PLD5: variants seen among roughly 807,000 people sequenced by gnomAD.
The protein encoded by PLD5 is phospholipase D family member 5.
In PLD5, 36 loss-of-function variants were observed where a neutral mutation model predicts 61.1. That is an observed-to-expected ratio of 0.59 (90% CI 0.45 to 0.78). The LOEUF (loss-of-function observed/expected upper bound fraction) is 0.78, where lower values mean the gene tolerates loss of function less well. Ranked by LOEUF, PLD5 falls within the 30% of genes least tolerant of loss-of-function variation. The pLI is 0.00. For missense variants in PLD5, 515 were observed against 644.4 expected, an observed-to-expected ratio of 0.80 and a Z score of 2.17; for synonymous variants, 243 against 242.8, an observed-to-expected ratio of 1.00 and a Z score of -0.01.
At chr1:242,349,871 C>T (rs1316009553) in intron 1 of PLD5, among the ~76,000 whole-genome samples, 1 of 152,170 alleles carries the variant, frequency 6.6e-6, no homozygotes, top group Non-Finnish European at 1.5e-5. Flanking sequence ...CAGAGTTTTG[C>T]CCTCATGAAT....
intron 1 of PLD5, among the ~76,000 whole-genome samples, chr1:242,472,936 TA>T (rs1388513230): frequency 6.6e-6 from 1 of 151,880 alleles, no homozygotes; most frequent in East Asian, 1.9e-4. Flanking sequence ...AAATTAGGAG[TA>T]AAAAGAGAAT....
At chr1:242,364,391 T>G (rs1661228639) in intron 1 of PLD5, among the ~76,000 whole-genome samples, 1 of 152,240 alleles carries the variant, frequency 6.6e-6, no homozygotes, top group African/African-American at 2.4e-5. Context: ...GGATCTATTC[T>G]AGGCTTTAAA....
intron 2 of PLD5, among the ~76,000 whole-genome samples, chr1:242,314,317 C>A (rs1157941450): frequency 2.6e-5 from 4 of 152,200 alleles, no homozygotes; most frequent in Non-Finnish European, 5.9e-5. Context: ...CAAGAATGCA[C>A]AAGTAGGTCT....
chr1:242,146,430 T>A (rs1216111648), intron 5 of PLD5, among the ~76,000 whole-genome samples: 1 of 152,176 alleles, frequency 6.6e-6, no homozygotes, highest in Non-Finnish European at 1.5e-5. Context: ...TTAGTACAAA[T>A]ACAGATAATG....
At chr1:242,190,587 T>A (rs890445257) in intron 5 of PLD5, among the ~76,000 whole-genome samples, 5 of 151,940 alleles carry the variant, frequency 3.3e-5, no homozygotes, top group African/African-American at 1.2e-4. Context: ...CAGTTATCCA[T>A]TTAAAAAATT....
At position 242,157,145 on chromosome 1, in the gene PLD5, C is replaced by T. The variant is rs565187971; in HGVS notation, c.736-32480G>A. Among the ~76,000 whole-genome samples, 15 of 152,150 alleles carry T rather than the reference C, an allele frequency of 9.9e-5. No homozygotes were observed. The South Asian group carries it at 2.5e-3, about 25-fold the overall frequency. On this transcript the variant is annotated intron_variant, in intron 5 of 9. Coordinates refer to ENST00000536534, the MANE Select transcript of PLD5 (RefSeq NM_001372062.1). ...TATCTTTACTTCCAATTGATCAATT[C>T]GGCTATTGATACTGTGTATGCTTCA...
At chr1:242,328,345 C>T in intron 2 of PLD5, among the ~76,000 whole-genome samples, 1 of 151,964 alleles carries the variant, frequency 6.6e-6, no homozygotes, top group South Asian at 2.1e-4. Flanking sequence ...TACGTGTGTT[C>T]TACATGTGTG....
At chr1:242,388,829 G>A (rs1266039312) in intron 1 of PLD5, among the ~76,000 whole-genome samples, 1 of 152,034 alleles carries the variant, frequency 6.6e-6, no homozygotes, top group Non-Finnish European at 1.5e-5. Context: ...GGTGGCGGGG[G>A]CCTGTAATCC....
chr1:242,240,432 C>A (rs1178464447), intron 4 of PLD5, among the ~76,000 whole-genome samples: 1 of 152,160 alleles, frequency 6.6e-6, no homozygotes, highest in Non-Finnish European at 1.5e-5. Context: ...ACAGTCTGGG[C>A]AGTTAATGAC....
At chr1:242,382,938 G>A (rs935186498) in intron 1 of PLD5, among the ~76,000 whole-genome samples, 10 of 151,446 alleles carry the variant, frequency 6.6e-5, no homozygotes, top group Admixed American at 5.2e-4. Context: ...ATTTGCAGGT[G>A]TAAAAATCAT....
At chr1:242,429,693 A>G (rs1207400827) in intron 1 of PLD5, among the ~76,000 whole-genome samples, 1 of 152,172 alleles carries the variant, frequency 6.6e-6, no homozygotes, top group Admixed American at 6.6e-5. Flanking sequence ...CATCTAAATC[A>G]TTGCTTCCTT....
chr1:242,342,094 CT>C (rs1297602421), intron 2 of PLD5, among the ~76,000 whole-genome samples: 1 of 152,142 alleles, frequency 6.6e-6, no homozygotes, highest in East Asian at 1.9e-4. Context: ...CTTAACGATA[CT>C]TTGCAGAAAT....
At chr1:242,374,796 G>A (rs184951793) in intron 1 of PLD5, among the ~76,000 whole-genome samples, 26 of 152,270 alleles carry the variant, frequency 1.7e-4, no homozygotes, top group African/African-American at 4.6e-4. Context: ...TCTACACACT[G>A]TTCATACTTT....
Position 242,394,310 on chromosome 1 carries a change from ATGTGTGTATATATGAGTATATATG to A in PLD5, c.190-46092_190-46069del, listed in dbSNP as rs1558525861. On this transcript the variant is annotated intron_variant, in intron 1 of 9. Coordinates refer to ENST00000536534, the MANE Select transcript of PLD5 (RefSeq NM_001372062.1). ...TATATGAGTATATATATGAGTATAT[ATGTGTGTATATATGAGTATATATG>A]TGTGTATATATGAGTATATATGTGT... Among the ~76,000 whole-genome samples the A allele has an allele frequency of 4.8e-5, 4 of 83,664 alleles. 1 individual carries two copies. Among genetic ancestry groups the A allele is most frequent in the Non-Finnish European group, 9.4e-5 (4 of 42,410 alleles). 54.9% of individuals were successfully genotyped at this position (83,664 alleles called of 152,430 possible). A position where few individuals can be genotyped will look rare whatever the true frequency, so the allele number is the denominator to read the frequency against.
intron 5 of PLD5, among the ~76,000 whole-genome samples, chr1:242,211,613 T>A (rs915142972): frequency 1.1e-4 from 17 of 152,174 alleles, no homozygotes; most frequent in Admixed American, 1.1e-3. Context: ...TGAGTATCAG[T>A]GTCTGAGTAC....
chr1:242,179,248 G>C (rs112146556), intron 5 of PLD5, among the ~76,000 whole-genome samples: 23 of 152,238 alleles, frequency 1.5e-4, no homozygotes, highest in Non-Finnish European at 3.2e-4. Context: ...AAAATATCCC[G>C]TTATTTTCAA....
intron 2 of PLD5, among the ~76,000 whole-genome samples, chr1:242,333,122 G>C (rs778169733): frequency 3.3e-5 from 5 of 152,188 alleles, no homozygotes; most frequent in Non-Finnish European, 7.3e-5. Flanking sequence ...GCTGAGCGTG[G>C]AAGTTGCTAA....
intron 2 of PLD5, among the ~76,000 whole-genome samples, chr1:242,319,232 T>G (rs572831203): frequency 2.6e-5 from 4 of 152,160 alleles, no homozygotes; most frequent in African/African-American, 9.6e-5. Context: ...TATAACATTA[T>G]CAACACAGTA....
chr1:242,284,451 T>C (rs566093600), intron 3 of PLD5, among the ~76,000 whole-genome samples: 1 of 152,268 alleles, frequency 6.6e-6, no homozygotes, highest in Non-Finnish European at 1.5e-5. Context: ...AATCTTTAAG[T>C]GCCCAAGAAA....
Sources: gnomAD v4.1 joint callset for allele counts (sites outside exome capture counted in the v4.1 genomes callset) on GRCh38, gnomAD v4.1.1 for gene constraint, MANE v1.5 for transcripts, NCBI Gene and HGNC (gene_info 2026-07-23, HGNC 2026-07-21) for gene names.